LRRCC1: variants seen among roughly 807,000 people sequenced by gnomAD.
LRRCC1 encodes the protein leucine rich repeat and coiled-coil centrosomal protein 1, also known as leucine-rich repeat and coiled-coil domain-containing protein 1.
LRRCC1 carries 115 observed loss-of-function variants against 126.0 expected under a neutral mutation model. The ratio of observed to expected loss-of-function variants is 0.91; its 90% CI spans 0.78 to 1.07. LRRCC1 has a LOEUF of 1.07. Among genes scored for constraint, LRRCC1 ranks in the 50% least tolerant of loss-of-function variants. The pLI is 0.00. For missense variants in LRRCC1, 1,172 were observed against 1,175.7 expected (o/e 1.00, Z 0.05); for synonymous variants, 400 against 393.4 (o/e 1.02, Z -0.20).
intron 12 of LRRCC1, among the ~76,000 whole-genome samples, chr8:85,133,476 T>G (rs999108467): frequency 6.6e-6 from 1 of 152,222 alleles, no homozygotes; most frequent in Admixed American, 6.5e-5. Flanking sequence ...CTGGACGTTT[T>G]GCAAGAATTT....
At chr8:85,126,567 A>T in intron 8 of LRRCC1, 122 bp from the exon 9 acceptor site, 1 of 816,258 alleles carries the variant, frequency 1.2e-6, no homozygotes, top group African/African-American at 1.8e-5. Context: ...AATAAAATAA[A>T]AAGTTTCACT....
At chr8:85,113,428 T>C (rs1427458901) in intron 4 of LRRCC1, among the ~76,000 whole-genome samples, 1 of 152,086 alleles carries the variant, frequency 6.6e-6, no homozygotes, top group African/African-American at 2.4e-5. Context: ...TTTCTACTAA[T>C]GGACAATTAT....
At chr8:85,142,190 AG>A in intron 18 of LRRCC1, among the ~76,000 whole-genome samples, 1 of 152,072 alleles carries the variant, frequency 6.6e-6, no homozygotes, top group Non-Finnish European at 1.5e-5. Context: ...GCTACTCGGG[AG>A]GCTGAGGTAG....
intron 9 of LRRCC1, 23 bp from the exon 10 acceptor site, chr8:85,129,152 A>G (rs756150227): frequency 1.3e-6 from 2 of 1,504,592 alleles, no homozygotes; most frequent in Admixed American, 3.6e-5. Flanking sequence ...TATACTTAAC[A>G]CCACATATAA....
chr8:85,122,287 T>A (rs965591852), intron 6 of LRRCC1, among the ~76,000 whole-genome samples: 16 of 152,240 alleles, frequency 1.1e-4, no homozygotes, highest in Non-Finnish European at 2.9e-5. Flanking sequence ...CCTTAATCTG[T>A]AATTTTATGT....
In LRRCC1 at chr8:85,134,973, C is replaced by T; in HGVS notation, c.2095C>T (p.Gln699Ter). The T allele has an allele frequency of 1.9e-6, 3 of 1,555,356 alleles. No homozygotes were observed. The highest frequency in any genetic ancestry group is 1.4e-5 in the African/African-American group (1 of 71,178). ...AGATCTGACCTGTATGGTAAAGGAA[C>T]AAAAAACAAAACTGGCAGAAGTTTC... The part of the protein sequence containing the change: ...IKDLTCMVKE[Q>*]KTKLAEVSKL... The change falls in exon 13 of 19, where the codon CAA becomes TAA. Residue 699 changes from glutamine (Q) to a stop codon, truncating the protein, a stop_gained. Transcript: ENST00000360375. LOFTEE classifies it high-confidence loss of function.
chr8:85,131,884 G>T lies in LRRCC1; in HGVS notation c.1891G>T (p.Val631Leu). ...AAAAGAATACCAAGAGAAAATTGAC[G>T]TGTTAAGCCAGCAGTATATGGATTT... ...MIKEYQEKID[V>L]LSQQYMDLEN... Residue 631 changes from valine (V) to leucine (L), a missense_variant, in exon 12 of 19, where the codon GTG (valine) becomes TTG (leucine). Val to Leu is a conservative substitution (Grantham distance 32, BLOSUM62 1). Transcript: ENST00000360375. The T allele has an allele frequency of 6.2e-7, 1 of 1,613,820 alleles. No individual in the cohort carries two copies. Among genetic ancestry groups the T allele is most frequent in the Non-Finnish European group, 8.5e-7 (1 of 1,179,858 alleles).
At chr8:85,126,402 C>CA (rs982796560) in intron 8 of LRRCC1, among the ~76,000 whole-genome samples, 2 of 151,824 alleles carry the variant, frequency 1.3e-5, no homozygotes, top group African/African-American at 4.8e-5. Context: ...ACTAAAAATA[C>CA]AAAAAAACAG....
chr8:85,137,360 A>T, intron 14 of LRRCC1, 104 bp from the exon 15 acceptor site: 1 of 662,994 alleles, frequency 1.5e-6, no homozygotes, highest in Non-Finnish European at 2.2e-6. Context: ...ATGTTTCTTT[A>T]TTTAGTTTTT....
Position 85,109,620 on chromosome 8 carries a change from A to G in LRRCC1, c.130A>G (p.Thr44Ala), listed in dbSNP as rs1470566689. The change falls in exon 2 of 19, where the codon ACT becomes GCT. Residue 44 changes from threonine to alanine, a missense_variant. Transcript: ENST00000360375. ...CATATCAGAATTATCTTTAGATTCA[A>G]CTCTTCATGCCGTCAATCTTCATTG... Reference protein sequence around the residue: ...QSISELSLDSTLHAVNLHCNN... With the variant: ...QSISELSLDSALHAVNLHCNN... 3.1e-6 allele frequency: 5 copies of G among 1,607,038 alleles called. No homozygotes were observed. The highest frequency in any genetic ancestry group is 1.3e-5 in the African/African-American group (1 of 74,766).
At chr8:85,114,182 T>A (rs1353861151) in intron 4 of LRRCC1, among the ~76,000 whole-genome samples, 1 of 152,068 alleles carries the variant, frequency 6.6e-6, no homozygotes, top group Non-Finnish European at 1.5e-5. Context: ...AAAACCATAT[T>A]TCTAAAGCCT....
At chr8:85,132,489 T>A (rs1013294083) in intron 12 of LRRCC1, among the ~76,000 whole-genome samples, 1 of 150,332 alleles carries the variant, frequency 6.7e-6, no homozygotes, top group African/African-American at 2.5e-5. Context: ...GCCTCCCAGA[T>A]TCAAGCAGTT....
intron 9 of LRRCC1, 103 bp downstream of exon 9, chr8:85,126,940 T>C: frequency 1.0e-6 from 1 of 989,304 alleles, no homozygotes; most frequent in Non-Finnish European, 1.4e-6. Context: ...AACAACAATG[T>C]ATGTGGTTTT....
At chr8:85,123,659 C>A in intron 7 of LRRCC1, 53 bp downstream of exon 7, 2 of 1,302,394 alleles carry the variant, frequency 1.5e-6, no homozygotes, top group South Asian at 1.4e-5. Context: ...ATAATGCTGG[C>A]TTCTCTCTTG....
At chr8:85,118,138 T>C (rs1335111476) in intron 6 of LRRCC1, among the ~76,000 whole-genome samples, 1 of 152,106 alleles carries the variant, frequency 6.6e-6, no homozygotes, top group Non-Finnish European at 1.5e-5. Flanking sequence ...CAGTGTATAC[T>C]CTTTTGTGTA....
intron 3 of LRRCC1, among the ~76,000 whole-genome samples, chr8:85,111,472 T>G (rs1808714915): frequency 6.6e-6 from 1 of 152,174 alleles, no homozygotes; most frequent in African/African-American, 2.4e-5. Context: ...TTTCCTTATC[T>G]AAAAAATGTG....
At chr8:85,112,872 C>A in intron 3 of LRRCC1, 60 bp from the exon 4 acceptor site, 1 of 1,250,990 alleles carries the variant, frequency 8.0e-7, no homozygotes, top group South Asian at 1.7e-5. Flanking sequence ...GCAATTATTT[C>A]TAATTAGCTA....
chr8:85,115,570 C>A lies in LRRCC1; in HGVS notation c.916C>A (p.Gln306Lys), dbSNP rs754562722. The change falls in exon 6 of 19, where the codon CAA becomes AAA. Residue 306 changes from glutamine to lysine, a missense_variant. Coordinates refer to ENST00000360375, the MANE Select transcript of LRRCC1 (RefSeq NM_033402.5). ...TCAGAAATTAGATGACCAAATTCTA[C>A]AACTTCTAAATGAAGTAACTATTTT... ...KLQKLDDQIL[Q>K]LLNETSNSID... 1.3e-6 allele frequency: 2 copies of A among 1,595,956 alleles called. No homozygotes were observed. Among genetic ancestry groups the A allele is most frequent in the Non-Finnish European group, 1.7e-6 (2 of 1,165,494 alleles).
chr8:85,109,866 A>G, intron 2 of LRRCC1, 66 bp downstream of exon 2: 1 of 781,670 alleles, frequency 1.3e-6, no homozygotes, highest in Non-Finnish European at 2.0e-6. Flanking sequence ...TTTTTTCCCC[A>G]AAAGAATGGA....
Sources: allele counts gnomAD v4.1 joint callset (sites outside exome capture counted in the v4.1 genomes callset), GRCh38; gene constraint gnomAD v4.1.1; transcripts MANE v1.5; gene names NCBI Gene and HGNC (gene_info 2026-07-23, HGNC 2026-07-21).